Variants in SFMBT2 observed in about 807,000 individuals in gnomAD.
SFMBT2 encodes the protein scm-like with four MBT domains protein 2.
Under a neutral mutation model 110.1 loss-of-function variants are expected in SFMBT2, and 38 were observed. The observed-to-expected ratio is 0.35, with a 90% CI of 0.27 to 0.45. The LOEUF (loss-of-function observed/expected upper bound fraction) is 0.45. Ranked by LOEUF, SFMBT2 falls within the 20% of genes least tolerant of loss-of-function variation. The pLI is 1.00. For missense variants in SFMBT2, 1,011 were observed against 1,094.9 expected (o/e 0.92, Z 1.08); for synonymous variants, 425 against 425.4 (o/e 1.00, Z 0.01).
intron 6 of SFMBT2, among the ~76,000 whole-genome samples, chr10:7,280,101 A>G (rs1425493533): frequency 6.6e-6 from 1 of 152,208 alleles, no homozygotes; most frequent in Non-Finnish European, 1.5e-5. Flanking sequence ...CTCTTGATCT[A>G]CTATGTGAGG....
At chr10:7,291,861 C>T (rs1264258987) in intron 4 of SFMBT2, among the ~76,000 whole-genome samples, 3 of 152,036 alleles carry the variant, frequency 2.0e-5, no homozygotes, top group Admixed American at 6.6e-5. Flanking sequence ...GGAGAGAATC[C>T]GTGAAGTGAT....
rs529389093 is a variant in SFMBT2, at chr10:7,328,286, T to C, written c.436+39363A>G. Among the ~76,000 whole-genome samples, 6 of 152,372 alleles carry C rather than the reference T, an allele frequency of 3.9e-5. No homozygotes were observed. The South Asian group carries it at 1.2e-3, about 32-fold the overall frequency. ...ATATCTTCTTTGGTGAAGTGTCTTT[T>C]TAAGTCTTTTCTCCATTTGTAATTG... On this transcript the variant is annotated intron_variant, in intron 4 of 20. Coordinates refer to ENST00000397167, the MANE Select transcript of SFMBT2 (RefSeq NM_001387889.1).
intron 4 of SFMBT2, among the ~76,000 whole-genome samples, chr10:7,333,849 G>T (rs772191996): frequency 1.2e-4 from 18 of 149,364 alleles, no homozygotes; most frequent in Non-Finnish European, 2.1e-4. Context: ...GTTAAATATC[G>T]TCTTTCTTTA....
chr10:7,332,035 A>G (rs969500858), intron 4 of SFMBT2, among the ~76,000 whole-genome samples: 1 of 143,464 alleles, frequency 7.0e-6, no homozygotes, highest in Non-Finnish European at 1.5e-5. Flanking sequence ...AAAAAAAAAA[A>G]AAGGAAAGGT....
chr10:7,313,295 G>A (rs1842906341), intron 4 of SFMBT2, among the ~76,000 whole-genome samples: 1 of 151,876 alleles, frequency 6.6e-6, no homozygotes, highest in South Asian at 2.1e-4. Context: ...AAACCTAGAG[G>A]GGCGAATATA....
chr10:7,206,480 G>C (rs1839141809), intron 11 of SFMBT2: 1 of 985,252 alleles, frequency 1.0e-6, no homozygotes. Context: ...CGTGGACAAG[G>C]CCCTTCTCTA....
At position 7,170,296 on chromosome 10, in the gene SFMBT2, G is replaced by C. The variant is rs1455631698; in HGVS notation, c.2544+632C>G. On this transcript the variant is annotated intron_variant, in intron 20 of 20. Transcript: ENST00000397167. The surrounding 1 kb of genome is among the most constrained non-coding windows in gnomAD (Gnocchi z 4.6). ...CAGATTTGCCAAAAGGCACTGACAG[G>C]AGGCTCAACCAAAACCAGTTCTCTC... Among the ~76,000 whole-genome samples the C allele has an allele frequency of 6.6e-6, 1 of 152,220 alleles. No individual in the cohort carries two copies. Among genetic ancestry groups the C allele is most frequent in the Non-Finnish European group, 1.5e-5 (1 of 68,038 alleles).
At chr10:7,339,264 A>G (rs1228438010) in intron 4 of SFMBT2, among the ~76,000 whole-genome samples, 1 of 152,202 alleles carries the variant, frequency 6.6e-6, no homozygotes, top group Non-Finnish European at 1.5e-5. Flanking sequence ...TAAATGAATA[A>G]ATAAATAAAT....
rs892361264 is a variant in SFMBT2 at position 7,296,013 on chromosome 10, G to T, written c.437-10059C>A. Reference sequence around the variant, plus strand: ...TGCCACAGAGATGGAAACCATTTACGACTTTCTCAAAGCACACAACTCACA... The same window carrying T: ...TGCCACAGAGATGGAAACCATTTACTACTTTCTCAAAGCACACAACTCACA... On this transcript the variant is annotated intron_variant, in intron 4 of 20. Coordinates refer to ENST00000397167, the MANE Select transcript of SFMBT2 (RefSeq NM_001387889.1). 1.2e-4 allele frequency among the ~76,000 whole-genome samples: 19 copies of T among 152,252 alleles called. 1 individual carries two copies. The highest frequency in any genetic ancestry group is 3.9e-4 in the African/African-American group (16 of 41,538).
intron 16 of SFMBT2, among the ~76,000 whole-genome samples, chr10:7,186,579 G>A (rs1272802295): frequency 1.3e-5 from 2 of 151,802 alleles, no homozygotes; most frequent in Non-Finnish European, 2.9e-5. Flanking sequence ...CAAAGTGCAG[G>A]GATTACAGTC....
intron 4 of SFMBT2, among the ~76,000 whole-genome samples, chr10:7,297,292 T>A (rs1429813563): frequency 2.6e-5 from 4 of 152,168 alleles, no homozygotes; most frequent in African/African-American, 4.8e-5. Context: ...AGGCTCCAGA[T>A]GGCACTACCT....
chr10:7,229,973 T>G (rs954809854), intron 9 of SFMBT2, among the ~76,000 whole-genome samples: 1 of 151,486 alleles, frequency 6.6e-6, no homozygotes, highest in Admixed American at 6.6e-5. Context: ...CACCTCAGCA[T>G]CCCAAAGTGC....
At chr10:7,191,339 C>G (rs767287425) in intron 15 of SFMBT2, among the ~76,000 whole-genome samples, 1 of 152,150 alleles carries the variant, frequency 6.6e-6, no homozygotes, top group Non-Finnish European at 1.5e-5. Context: ...AGCACATGGC[C>G]GAAACGCTGG....
chr10:7,385,230 A>C (rs1402467000), intron 1 of SFMBT2, among the ~76,000 whole-genome samples: 1 of 152,036 alleles, frequency 6.6e-6, no homozygotes, highest in African/African-American at 2.4e-5. Flanking sequence ...TCCACCCCTC[A>C]CCTCTACCCC....
chr10:7,251,968 G>A (rs1840826622), intron 7 of SFMBT2, among the ~76,000 whole-genome samples: 3 of 152,270 alleles, frequency 2.0e-5, no homozygotes, highest in East Asian at 1.9e-4. Context: ...TGGTCTACCC[G>A]CCCTCTTCAT....
At chr10:7,241,572 A>G (rs903252317) in intron 9 of SFMBT2, among the ~76,000 whole-genome samples, 1 of 152,232 alleles carries the variant, frequency 6.6e-6, no homozygotes, top group Non-Finnish European at 1.5e-5. Flanking sequence ...AGAAATGATC[A>G]TAACTAAATA....
intron 11 of SFMBT2, among the ~76,000 whole-genome samples, chr10:7,213,281 A>G (rs116608539): frequency 2.4e-3 from 372 of 152,262 alleles, no homozygotes; most frequent in African/African-American, 8.6e-3. Context: ...ACACAGACCT[A>G]CTGTGTATTA....
At chr10:7,239,757 G>GC (rs1840375597) in intron 9 of SFMBT2, among the ~76,000 whole-genome samples, 1 of 152,072 alleles carries the variant, frequency 6.6e-6, no homozygotes, top group South Asian at 2.1e-4. Flanking sequence ...GTTGCTTTAG[G>GC]CCCCCCAAAC....
chr10:7,288,862 C>G (rs954829404), intron 4 of SFMBT2, among the ~76,000 whole-genome samples: 10 of 151,298 alleles, frequency 6.6e-5, no homozygotes, highest in East Asian at 1.9e-4. Flanking sequence ...AACCCCCCCC[C>G]CCATCTCCAC....
Sources: allele counts gnomAD v4.1 joint callset (sites outside exome capture counted in the v4.1 genomes callset), GRCh38; gene constraint gnomAD v4.1.1; non-coding constraint Gnocchi (gnomAD v3.1); transcripts MANE v1.5; gene names NCBI Gene and HGNC (gene_info 2026-07-23, HGNC 2026-07-21).